Variants in R3HDM2 observed in about 807,000 individuals in gnomAD.
R3HDM2 encodes R3H domain-containing protein 2.
Under a neutral mutation model 124.5 loss-of-function variants are expected in R3HDM2, and 38 were observed. That is an observed-to-expected ratio of 0.31 (90% CI 0.24 to 0.40). R3HDM2 has a LOEUF of 0.40. Among genes scored for constraint, R3HDM2 ranks in the 10% least tolerant of loss-of-function variants. R3HDM2 has a pLI of 1.00. For synonymous variants in R3HDM2, 391 were observed against 448.0 expected, an observed-to-expected ratio of 0.87 and a Z score of 1.61; for missense variants, 869 against 1,236.9, an observed-to-expected ratio of 0.70 and a Z score of 4.46.
chr12:57,373,492 C>T (rs979342086), intron 2 of R3HDM2, among the ~76,000 whole-genome samples: 4 of 151,494 alleles, frequency 2.6e-5, no homozygotes, highest in South Asian at 4.2e-4. Context: ...GAGCAAGACT[C>T]CGTCTCACAA....
intron 2 of R3HDM2, among the ~76,000 whole-genome samples, chr12:57,395,392 A>C (rs564525887): frequency 6.6e-6 from 1 of 152,094 alleles, no homozygotes; most frequent in African/African-American, 2.4e-5. Flanking sequence ...TAATCCCAGC[A>C]ACTCGGGAAG....
intron 14 of R3HDM2, among the ~76,000 whole-genome samples, chr12:57,278,623 A>C (rs1206386685): frequency 6.6e-6 from 1 of 152,146 alleles, no homozygotes; most frequent in Non-Finnish European, 1.5e-5. Context: ...ACAGACAGAG[A>C]AAAGTACACA....
intron 2 of R3HDM2, among the ~76,000 whole-genome samples, chr12:57,347,515 A>G (rs1214432928): frequency 6.6e-6 from 1 of 152,240 alleles, no homozygotes; most frequent in African/African-American, 2.4e-5. Flanking sequence ...AGAGGAACAA[A>G]GAAAAAACAC....
intron 1 of R3HDM2, among the ~76,000 whole-genome samples, chr12:57,404,933 C>A (rs550657576): frequency 6.6e-6 from 1 of 151,814 alleles, no homozygotes; most frequent in African/African-American, 2.4e-5. Context: ...ACAAAGATAC[C>A]CACCCACTAT....
At chr12:57,364,468 AAAAG>A (rs1300282531) in intron 2 of R3HDM2, among the ~76,000 whole-genome samples, 1 of 148,268 alleles carries the variant, frequency 6.7e-6, no homozygotes, top group East Asian at 1.9e-4. Flanking sequence ...GGGTGTCTTA[AAAAG>A]AAAATTTATT....
rs982222719 is a variant in R3HDM2, at chr12:57,375,799, A to G, written c.-36+19950T>C. On this transcript the variant is annotated intron_variant, in intron 2 of 23. Transcript: ENST00000402412. ...GCAATTCTCCCGCCTCAGCCTCCCG[A>G]GTAGCTGGGATTACAGGCCCACACC... Among the ~76,000 whole-genome samples, 6 of 151,762 alleles carry G rather than the reference A, an allele frequency of 4.0e-5. No individual in the cohort carries two copies. The East Asian group carries it at 7.8e-4, about 20-fold the overall frequency.
At chr12:57,399,013 G>A (rs1234886499) in intron 1 of R3HDM2, among the ~76,000 whole-genome samples, 1 of 152,178 alleles carries the variant, frequency 6.6e-6, no homozygotes. Flanking sequence ...GAGAATCACT[G>A]CTGATAAGAC....
chr12:57,389,435 G>A (rs2066347310), intron 2 of R3HDM2, among the ~76,000 whole-genome samples: 1 of 152,146 alleles, frequency 6.6e-6, no homozygotes, highest in Non-Finnish European at 1.5e-5. Context: ...TTGAAAAGTG[G>A]CCTAATTCCA....
At chr12:57,431,079 C>A (rs1016859933), upstream of R3HDM2, 1 of 152,290 alleles carries the variant, frequency 6.6e-6, no homozygotes, top group Admixed American at 6.5e-5. Flanking sequence ...TCCTGCGTTC[C>A]GGCCGTCCCT....
At chr12:57,320,460 C>T (rs2056247805) in intron 2 of R3HDM2, among the ~76,000 whole-genome samples, 1 of 151,754 alleles carries the variant, frequency 6.6e-6, no homozygotes. Context: ...AGACATTAGG[C>T]TCCCAGGAGG....
chr12:57,409,798 C>T (rs1220319657), intron 1 of R3HDM2, among the ~76,000 whole-genome samples: 1 of 151,998 alleles, frequency 6.6e-6, no homozygotes, highest in Non-Finnish European at 1.5e-5. Flanking sequence ...TACCCCATAA[C>T]CCCCTTCATA....
intron 4 of R3HDM2, among the ~76,000 whole-genome samples, chr12:57,301,072 C>A (rs531972969): frequency 6.6e-6 from 1 of 151,250 alleles, no homozygotes; most frequent in South Asian, 2.1e-4. Context: ...CCACTGTACT[C>A]CAACCTGGGC....
chr12:57,299,295 G>A, intron 6 of R3HDM2, 57 bp downstream of exon 6: 2 of 1,485,166 alleles, frequency 1.3e-6, no homozygotes, highest in Non-Finnish European at 1.8e-6. Flanking sequence ...CCAGGCTTCA[G>A]GATAAAAGTA....
At chr12:57,331,322 T>C (rs1000160158) in intron 2 of R3HDM2, among the ~76,000 whole-genome samples, 17 of 152,238 alleles carry the variant, frequency 1.1e-4, no homozygotes, top group African/African-American at 4.1e-4. Flanking sequence ...AGACCTTAAA[T>C]GACCTGACCA....
intron 2 of R3HDM2, among the ~76,000 whole-genome samples, chr12:57,370,467 C>T (rs1370285827): frequency 6.8e-6 from 1 of 146,098 alleles, no homozygotes; most frequent in East Asian, 2.0e-4. Context: ...ATGGAAAAAC[C>T]CCATCTCTAC....
intron 2 of R3HDM2, among the ~76,000 whole-genome samples, chr12:57,380,328 T>C (rs1051529503): frequency 2.0e-5 from 3 of 152,224 alleles, no homozygotes; most frequent in East Asian, 3.8e-4. Context: ...TAAAATATTA[T>C]AGAAGTAAGT....
intron 2 of R3HDM2, among the ~76,000 whole-genome samples, chr12:57,346,919 C>T (rs1450869397): frequency 6.6e-6 from 1 of 152,078 alleles, no homozygotes; most frequent in Non-Finnish European, 1.5e-5. Context: ...AAGACTCCAC[C>T]TGAAATGGTA....
intron 11 of R3HDM2, among the ~76,000 whole-genome samples, chr12:57,289,941 C>A (rs931604506): frequency 2.0e-5 from 3 of 152,218 alleles, no homozygotes; most frequent in Non-Finnish European, 4.4e-5. Context: ...GTATGATGGG[C>A]TTTGGCCATA....
chr12:57,373,894 G>A (rs533460499), intron 2 of R3HDM2, among the ~76,000 whole-genome samples: 1 of 151,458 alleles, frequency 6.6e-6, no homozygotes. Flanking sequence ...TTGGGAGGCC[G>A]AGGTGGGCAG....
Sources: allele counts gnomAD v4.1 joint callset (sites outside exome capture counted in the v4.1 genomes callset), GRCh38; gene constraint gnomAD v4.1.1; transcripts MANE v1.5; gene names NCBI Gene and HGNC (gene_info 2026-07-23, HGNC 2026-07-21).